TFEC: variants seen among roughly 807,000 people sequenced by gnomAD.
TFEC encodes the protein transcription factor EC, also known as class E basic helix-loop-helix protein 34.
Under a neutral mutation model 41.6 loss-of-function variants are expected in TFEC, and 31 were observed. That is an observed-to-expected ratio of 0.74 (90% confidence interval 0.56 to 1.01). TFEC has a LOEUF of 1.01. TFEC is among the 50% of genes least tolerant of loss of function. The probability of loss-of-function intolerance (pLI) is 0.00; values close to 1 mark genes in which losing one functional copy is unlikely to be tolerated. For synonymous variants in TFEC, 143 were observed against 140.6 expected (o/e 1.02, Z -0.12); for missense variants, 402 against 404.1 (o/e 0.99, Z 0.04).
intron 1 of TFEC, among the ~76,000 whole-genome samples, chr7:116,141,682 G>A (rs1798544546): frequency 6.6e-6 from 1 of 152,196 alleles, no homozygotes; most frequent in Non-Finnish European, 1.5e-5. Context: ...CATATCCCAT[G>A]AGGAGCTCTG....
chr7:116,144,448 C>T (rs1265648361), intron 1 of TFEC, among the ~76,000 whole-genome samples: 1 of 152,118 alleles, frequency 6.6e-6, no homozygotes, highest in Admixed American at 6.5e-5. Flanking sequence ...CTACAATGCC[C>T]AGTTTGTTTG....
At chr7:115,983,350 C>G (rs904479288) in intron 2 of TFEC, among the ~76,000 whole-genome samples, 5 of 151,672 alleles carry the variant, frequency 3.3e-5, no homozygotes, top group African/African-American at 9.7e-5. Flanking sequence ...TAAAAAAATT[C>G]TCTATCATTT....
chr7:116,133,768 A>G (rs1298189444), intron 1 of TFEC, among the ~76,000 whole-genome samples: 2 of 152,154 alleles, frequency 1.3e-5, no homozygotes, highest in African/African-American at 4.8e-5. Flanking sequence ...AGCTTAACCT[A>G]TGGTACTGTA....
At chr7:116,095,973 T>G (rs1024656995) in intron 3 of TFEC, among the ~76,000 whole-genome samples, 10 of 152,368 alleles carry the variant, frequency 6.6e-5, no homozygotes, top group Non-Finnish European at 1.0e-4. Context: ...GTGCATTAGA[T>G]GTGTTTCCTC....
chr7:115,972,766 A>G (rs553598124), intron 3 of TFEC, among the ~76,000 whole-genome samples: 2 of 152,204 alleles, frequency 1.3e-5, no homozygotes, highest in South Asian at 4.1e-4. Flanking sequence ...AATGAAATTC[A>G]TCACCAATTT....
At position 116,046,286 on chromosome 7, in the gene TFEC, A is replaced by G. The variant is rs1462891455; in HGVS notation, c.199-61773T>C. Among the ~76,000 whole-genome samples, 4 of 152,264 alleles carry G rather than the reference A, an allele frequency of 2.6e-5. No homozygotes were observed. The East Asian group carries it at 7.7e-4, about 29-fold the overall frequency. Reference sequence around the variant, plus strand: ...TGTCCCCACCCAAATCTAAACTTGAATTGTATCTCCCCGAATTCCCACATG... The same window carrying G: ...TGTCCCCACCCAAATCTAAACTTGAGTTGTATCTCCCCGAATTCCCACATG... On this transcript the variant is annotated intron_variant, in intron 3 of 8. Coordinates refer to the TFEC transcript ENST00000484212.
In TFEC at chr7:116,047,430, C is replaced by T. The variant is rs201838864; in HGVS notation, c.199-62917G>A. Among the ~76,000 whole-genome samples, 41 of 152,230 alleles carry T rather than the reference C, an allele frequency of 2.7e-4. 2 individuals are homozygous for T. In the East Asian group the frequency reaches 6.2e-3, roughly 23 times the overall value. ...AGCACAGCAGTCTGAGATTGAACTG[C>T]CAGGTGGCAGTGAGGCTGGGGGAGG... On this transcript the variant is annotated intron_variant, in intron 3 of 8. Transcript: ENST00000484212.
intron 3 of TFEC, among the ~76,000 whole-genome samples, chr7:116,077,155 AAT>A (rs1796978439): frequency 6.6e-6 from 1 of 152,164 alleles, no homozygotes; most frequent in Non-Finnish European, 1.5e-5. Flanking sequence ...ATCAGCCAAG[AAT>A]TTTTTATCCA....
chr7:116,086,877 C>T lies in TFEC; in HGVS notation c.198+23831G>A, dbSNP rs543386342. ...CCCACATATGTTTTTACATTTTCTA[C>T]GAGATTATTCTTTCAACATATTCCC... On this transcript the variant is annotated intron_variant, in intron 3 of 8. Coordinates refer to the TFEC transcript ENST00000484212. Among the ~76,000 whole-genome samples, 44 of 151,984 alleles carry T rather than the reference C, an allele frequency of 2.9e-4. No homozygotes were observed. The South Asian group carries it at 8.1e-3, about 28-fold the overall frequency.
intron 3 of TFEC, among the ~76,000 whole-genome samples, chr7:116,051,004 G>A (rs1321506804): frequency 4.6e-5 from 7 of 152,178 alleles, no homozygotes; most frequent in Admixed American, 6.5e-5. Flanking sequence ...GTAGGGACAC[G>A]GATGAAGCTG....
At chr7:116,159,051 T>G (rs2116506642) in intron 1 of TFEC, among the ~76,000 whole-genome samples, 1 of 152,026 alleles carries the variant, frequency 6.6e-6, no homozygotes, top group South Asian at 2.1e-4. Context: ...ATAGTTCAAC[T>G]GACTCACAGT....
chr7:115,957,498 T>G (rs1792298684), intron 3 of TFEC, among the ~76,000 whole-genome samples: 1 of 151,930 alleles, frequency 6.6e-6, no homozygotes, highest in African/African-American at 2.4e-5. Context: ...AGTTGCTTTA[T>G]ACACAATTCA....
At chr7:115,976,576 G>C (rs1029836099) in intron 2 of TFEC, among the ~76,000 whole-genome samples, 5 of 152,128 alleles carry the variant, frequency 3.3e-5, no homozygotes, top group Admixed American at 6.6e-5. Context: ...AAGAAGCTAG[G>C]TTAATAGATG....
chr7:116,089,547 T>A (rs1797276513), intron 3 of TFEC, among the ~76,000 whole-genome samples: 1 of 152,048 alleles, frequency 6.6e-6, no homozygotes, highest in Non-Finnish European at 1.5e-5. Context: ...AATTCAATCA[T>A]GAAATATGCA....
At chr7:116,127,103 G>GTT (rs376847718) in intron 1 of TFEC, among the ~76,000 whole-genome samples, 2 of 148,790 alleles carry the variant, frequency 1.3e-5, no homozygotes, top group African/African-American at 2.5e-5. Flanking sequence ...TTTGTTTTTT[G>GTT]TTTTTTGTTT....
chr7:116,145,496 A>T (rs138990542), intron 1 of TFEC, among the ~76,000 whole-genome samples: 247 of 152,278 alleles, frequency 1.6e-3, no homozygotes, highest in African/African-American at 5.7e-3. Flanking sequence ...AAAGACCATA[A>T]CCGTTAGACT....
At position 115,980,204 on chromosome 7, in the gene TFEC, T is replaced by C. The variant is rs556008233; in HGVS notation, c.180+4058A>G. ...CTAAGTCATAAGCATAAGTCTCTTG[T>C]GAATTCCTGCAAAATTTTTCCTTTC... On this transcript the variant is annotated intron_variant, in intron 2 of 7. Transcript: ENST00000265440. Among the ~76,000 whole-genome samples, 3 of 152,330 alleles carry C rather than the reference T, an allele frequency of 2.0e-5. No homozygotes were observed. In the East Asian group the frequency reaches 5.8e-4, roughly 29 times the overall value.
chr7:116,067,609 T>C (rs1233676933), intron 3 of TFEC, among the ~76,000 whole-genome samples: 1 of 152,032 alleles, frequency 6.6e-6, no homozygotes, highest in Non-Finnish European at 1.5e-5. Flanking sequence ...CTTTGAATAT[T>C]TGACACTTGT....
chr7:116,028,848 G>C (rs757099819), intron 1 of TFEC, among the ~76,000 whole-genome samples: 4 of 152,062 alleles, frequency 2.6e-5, no homozygotes, highest in Admixed American at 6.6e-5. Context: ...AGAATATTTT[G>C]TTTCTTTCAG....
Sources: allele counts gnomAD v4.1 joint callset (sites outside exome capture counted in the v4.1 genomes callset), GRCh38; gene constraint gnomAD v4.1.1; transcripts MANE v1.5; gene names NCBI Gene and HGNC (gene_info 2026-07-23, HGNC 2026-07-21).